NPAS3: variants seen among roughly 807,000 people sequenced by gnomAD.
NPAS3 encodes the protein neuronal PAS domain protein 3, also known as neuronal PAS domain-containing protein 3.
NPAS3 carries 14 observed loss-of-function variants against 73.1 expected under a neutral mutation model. That is an observed-to-expected ratio of 0.19 (90% CI 0.13 to 0.30). NPAS3 has a LOEUF of 0.30. Ranked by LOEUF, NPAS3 falls within the 10% of genes least tolerant of loss-of-function variation. NPAS3 has a pLI of 1.00. For synonymous variants in NPAS3, 620 were observed against 541.5 expected (o/e 1.14, Z -2.01); for missense variants, 1,096 against 1,250.0 (o/e 0.88, Z 1.86).
At chr14:33,741,470 T>C (rs1037342768) in intron 7 of NPAS3, among the ~76,000 whole-genome samples, 7 of 152,124 alleles carry the variant, frequency 4.6e-5, no homozygotes, top group Non-Finnish European at 1.0e-4. Flanking sequence ...AAAATGCAAA[T>C]AGAGGAGAGA....
intron 2 of NPAS3, among the ~76,000 whole-genome samples, chr14:33,094,120 A>C (rs967784856): frequency 6.6e-6 from 1 of 152,158 alleles, no homozygotes; most frequent in Non-Finnish European, 1.5e-5. Flanking sequence ...AGTATAAAAA[A>C]AAAAAATTGC....
At chr14:33,735,217 A>C (rs1275074628) in exon 7 of NPAS3, 1 of 1,610,790 alleles carries the variant, frequency 6.2e-7, no homozygotes, top group Non-Finnish European at 8.5e-7. Flanking sequence ...TCCTCAGTGG[A>C]GTCAACCAGC....
intron 2 of NPAS3, among the ~76,000 whole-genome samples, chr14:33,182,318 T>C (rs1187118773): frequency 2.0e-5 from 3 of 152,204 alleles, no homozygotes; most frequent in Non-Finnish European, 2.9e-5. Context: ...ATAAGTAGTT[T>C]GGAATTTTGA....
At chr14:33,511,602 G>A (rs1402738487) in intron 4 of NPAS3, among the ~76,000 whole-genome samples, 4 of 152,030 alleles carry the variant, frequency 2.6e-5, no homozygotes, top group Admixed American at 2.6e-4. Context: ...CTAGTTTCTT[G>A]TGAATTAAAA....
At chr14:33,573,387 T>C (rs181720452) in intron 5 of NPAS3, among the ~76,000 whole-genome samples, 114 of 152,282 alleles carry the variant, frequency 7.5e-4, no homozygotes, top group African/African-American at 2.5e-3. Flanking sequence ...TACGATGACC[T>C]ACAAGTAGTA....
At chr14:33,706,739 T>A (rs903858376) in intron 6 of NPAS3, among the ~76,000 whole-genome samples, 8 of 152,188 alleles carry the variant, frequency 5.3e-5, no homozygotes, top group African/African-American at 1.9e-4. Flanking sequence ...TCACCCCATT[T>A]CCAGATGATG....
downstream of NPAS3, chr14:33,802,967 T>C (rs2063751643): frequency 6.6e-6 from 1 of 152,166 alleles, no homozygotes; most frequent in Admixed American, 6.6e-5. Context: ...AAAAAGACTC[T>C]TAACTAGCTC....
chr14:33,234,838 T>G (rs2139794916), intron 3 of NPAS3, among the ~76,000 whole-genome samples: 1 of 152,282 alleles, frequency 6.6e-6, no homozygotes, highest in Non-Finnish European at 1.5e-5. Flanking sequence ...ATTTGGTTTT[T>G]GATTGCTCGT....
At chr14:33,784,225 T>C (rs879926211) in intron 9 of NPAS3, among the ~76,000 whole-genome samples, 27 of 152,356 alleles carry the variant, frequency 1.8e-4, no homozygotes, top group Middle Eastern at 3.4e-3. Context: ...CAGTCGTTTT[T>C]TTCCTATTCA....
At chr14:33,351,292 G>A (rs1413959225) in intron 3 of NPAS3, among the ~76,000 whole-genome samples, 2 of 152,142 alleles carry the variant, frequency 1.3e-5, no homozygotes, top group Admixed American at 6.5e-5. Context: ...CTGCCCAGAT[G>A]GGGTCGACGA....
chr14:33,762,056 G>A (rs2062309467), intron 7 of NPAS3, among the ~76,000 whole-genome samples: 1 of 152,158 alleles, frequency 6.6e-6, no homozygotes, highest in South Asian at 2.1e-4. Context: ...TTAATGCATT[G>A]ATGTTTAGTT....
intron 3 of NPAS3, among the ~76,000 whole-genome samples, chr14:33,230,281 A>AT (rs1375509575): frequency 6.6e-6 from 1 of 152,222 alleles, no homozygotes; most frequent in Non-Finnish European, 1.5e-5. Flanking sequence ...GTTTAACATC[A>AT]TAGACACCAT....
intron 6 of NPAS3, among the ~76,000 whole-genome samples, chr14:33,733,880 T>C (rs1035284978): frequency 2.6e-5 from 4 of 152,110 alleles, no homozygotes; most frequent in Non-Finnish European, 5.9e-5. Context: ...AACATAGTCA[T>C]GTTAAGATAA....
intron 3 of NPAS3, among the ~76,000 whole-genome samples, chr14:33,355,054 G>T (rs778870363): frequency 1.3e-5 from 2 of 152,132 alleles, no homozygotes; most frequent in Non-Finnish European, 2.9e-5. Context: ...CAGTGCTGAT[G>T]GGGCCATTTG....
intron 4 of NPAS3, among the ~76,000 whole-genome samples, chr14:33,554,306 A>G (rs1345790304): frequency 5.3e-5 from 8 of 152,200 alleles, no homozygotes; most frequent in Non-Finnish European, 1.2e-4. Flanking sequence ...TTATGTCACA[A>G]CAGTGAAGAA....
intron 4 of NPAS3, among the ~76,000 whole-genome samples, chr14:33,551,780 G>C (rs558653955): frequency 6.6e-6 from 1 of 152,252 alleles, no homozygotes; most frequent in South Asian, 2.1e-4. Context: ...CTGGGCTCTA[G>C]GATCTTCTTC....
intron 6 of NPAS3, among the ~76,000 whole-genome samples, chr14:33,708,388 A>T (rs2060719291): frequency 6.6e-6 from 1 of 152,170 alleles, no homozygotes; most frequent in African/African-American, 2.4e-5. Flanking sequence ...AAAGAAAGAA[A>T]AATAATAATA....
intron 2 of NPAS3, among the ~76,000 whole-genome samples, chr14:33,183,405 G>A (rs530697638): frequency 1.4e-5 from 2 of 143,610 alleles, no homozygotes; most frequent in South Asian, 4.6e-4. Context: ...CAGCCTGGGC[G>A]ACAGAGTGAG....
chr14:32,999,383 T>C (rs554901710), intron 1 of NPAS3, among the ~76,000 whole-genome samples: 17 of 151,998 alleles, frequency 1.1e-4, no homozygotes, highest in African/African-American at 2.2e-4. Context: ...TGGTGGCAGG[T>C]GCCTGTAGTC....
Sources: allele counts gnomAD v4.1 joint callset (sites outside exome capture counted in the v4.1 genomes callset), GRCh38; gene constraint gnomAD v4.1.1; transcripts MANE v1.5; gene names NCBI Gene and HGNC (gene_info 2026-07-23, HGNC 2026-07-21).